ATRNL1: variants seen among roughly 807,000 people sequenced by gnomAD.
The protein encoded by ATRNL1 is attractin-like protein 1.
ATRNL1 carries 95 observed loss-of-function variants against 182.7 expected under a neutral mutation model. The observed-to-expected ratio is 0.52, with a 90% confidence interval of 0.44 to 0.62. The LOEUF (loss-of-function observed/expected upper bound fraction) is 0.62. Ranked by LOEUF, ATRNL1 falls within the 20% of genes least tolerant of loss-of-function variation. The pLI is 0.00. For missense variants in ATRNL1, 1,471 were observed against 1,679.5 expected (o/e 0.88, Z 2.17); for synonymous variants, 576 against 568.3 (o/e 1.01, Z -0.19).
intron 26 of ATRNL1, among the ~76,000 whole-genome samples, chr10:115,680,340 T>A (rs1555044323): frequency 2.6e-5 from 4 of 152,168 alleles, no homozygotes. Context: ...AGATCCTCAC[T>A]GGTCACCAAA....
intron 26 of ATRNL1, among the ~76,000 whole-genome samples, chr10:115,595,585 A>G (rs1555013720): frequency 6.6e-6 from 1 of 152,112 alleles, no homozygotes; most frequent in East Asian, 1.9e-4. Flanking sequence ...TTGCTCTTTT[A>G]TTACACTCCC....
intron 19 of ATRNL1, among the ~76,000 whole-genome samples, chr10:115,380,325 C>T (rs1358200724): frequency 1.3e-5 from 2 of 152,048 alleles, no homozygotes; most frequent in African/African-American, 4.8e-5. Flanking sequence ...CATAATACGG[C>T]AAGTACTGAT....
intron 27 of ATRNL1, among the ~76,000 whole-genome samples, chr10:115,770,112 T>C (rs560121082): frequency 8.5e-5 from 13 of 152,118 alleles, no homozygotes; most frequent in African/African-American, 3.1e-4. Flanking sequence ...AACCTGGGTC[T>C]AGGTTATACT....
At chr10:115,207,958 A>T (rs529044624) in intron 8 of ATRNL1, among the ~76,000 whole-genome samples, 11 of 152,080 alleles carry the variant, frequency 7.2e-5, no homozygotes, top group Non-Finnish European at 1.6e-4. Context: ...TCACTATCAC[A>T]TATCTCAAAC....
intron 26 of ATRNL1, among the ~76,000 whole-genome samples, chr10:115,570,916 A>G (rs1451556851): frequency 3.9e-5 from 6 of 152,096 alleles, no homozygotes; most frequent in Non-Finnish European, 8.8e-5. Flanking sequence ...CCTTCAGTTG[A>G]TTTCAGACAT....
At chr10:115,770,170 T>A (rs1353770698) in intron 27 of ATRNL1, among the ~76,000 whole-genome samples, 1 of 152,006 alleles carries the variant, frequency 6.6e-6, no homozygotes, top group Non-Finnish European at 1.5e-5. Context: ...CAAGAGAAAG[T>A]TTATAAGGAA....
chr10:115,790,750 T>C lies in ATRNL1; in HGVS notation c.3904-57127T>C, dbSNP rs187636050. On this transcript the variant is annotated intron_variant, in intron 27 of 28. Transcript: ENST00000355044. ...ATTTCATCTGCTTTTCTAGCTTTAT[T>C]CTCTTTTTTCTATCTTCTACTACTT... Among the ~76,000 whole-genome samples the C allele has an allele frequency of 2.0e-3, 297 of 152,278 alleles. 3 individuals are homozygous for C. Among genetic ancestry groups the C allele is most frequent in the Admixed American group, 0.017 (262 of 15,298 alleles).
At chr10:115,676,718 AG>A (rs1945874290) in intron 26 of ATRNL1, among the ~76,000 whole-genome samples, 1 of 151,998 alleles carries the variant, frequency 6.6e-6, no homozygotes, top group Admixed American at 6.6e-5. Context: ...AACATAAGTC[AG>A]GGGAAAGGAG....
intron 28 of ATRNL1, among the ~76,000 whole-genome samples, chr10:115,937,139 G>C (rs1953584498): frequency 6.6e-6 from 1 of 152,188 alleles, no homozygotes; most frequent in Non-Finnish European, 1.5e-5. Context: ...ATGAAAGTCA[G>C]GGAGTGCTCA....
At chr10:115,758,403 A>G (rs1167761826) in intron 27 of ATRNL1, among the ~76,000 whole-genome samples, 1 of 151,916 alleles carries the variant, frequency 6.6e-6, no homozygotes, top group African/African-American at 2.4e-5. Flanking sequence ...GGTCTGCTGG[A>G]GTTTGCTGGA....
chr10:115,650,964 A>T (rs1555034167), intron 26 of ATRNL1, among the ~76,000 whole-genome samples: 1 of 152,082 alleles, frequency 6.6e-6, no homozygotes, highest in African/African-American at 2.4e-5. Context: ...ATATATTTTA[A>T]TTTGCCCATT....
intron 15 of ATRNL1, among the ~76,000 whole-genome samples, chr10:115,294,362 A>G (rs1554921927): frequency 1.3e-5 from 2 of 152,144 alleles, no homozygotes; most frequent in African/African-American, 4.8e-5. Context: ...CTGCTTAGTC[A>G]AGTCTGTGGT....
At chr10:115,929,524 G>C (rs529530544) in intron 28 of ATRNL1, among the ~76,000 whole-genome samples, 1 of 152,182 alleles carries the variant, frequency 6.6e-6, no homozygotes, top group East Asian at 1.9e-4. Flanking sequence ...AGACATGCCA[G>C]GTATGAAGGA....
At chr10:115,392,225 T>G (rs1449476616) in intron 19 of ATRNL1, among the ~76,000 whole-genome samples, 3 of 152,188 alleles carry the variant, frequency 2.0e-5, no homozygotes. Context: ...AGCAGTACTT[T>G]TTTTCAGATT....
chr10:115,790,052 T>A (rs1555081338), intron 27 of ATRNL1, among the ~76,000 whole-genome samples: 1 of 152,186 alleles, frequency 6.6e-6, no homozygotes, highest in Non-Finnish European at 1.5e-5. Context: ...TAAAGATATT[T>A]GTATTCCATT....
intron 20 of ATRNL1, among the ~76,000 whole-genome samples, chr10:115,395,857 T>G (rs1401482231): frequency 6.6e-6 from 1 of 151,770 alleles, no homozygotes; most frequent in Non-Finnish European, 1.5e-5. Context: ...AAATCAAATT[T>G]TTATGGTTTT....
At chr10:115,484,039 G>T (rs1848899593) in intron 24 of ATRNL1, among the ~76,000 whole-genome samples, 1 of 151,528 alleles carries the variant, frequency 6.6e-6, no homozygotes, top group Admixed American at 6.6e-5. Context: ...TCTCTCAAAA[G>T]CAGAGTGCCT....
chr10:115,454,508 A>C (rs1422306432), intron 21 of ATRNL1, among the ~76,000 whole-genome samples: 1 of 151,986 alleles, frequency 6.6e-6, no homozygotes, highest in Non-Finnish European at 1.5e-5. Flanking sequence ...GGACATTTTA[A>C]CCATATTAAT....
At chr10:115,822,765 G>A (rs1950334549) in intron 27 of ATRNL1, among the ~76,000 whole-genome samples, 1 of 152,064 alleles carries the variant, frequency 6.6e-6, no homozygotes, top group Non-Finnish European at 1.5e-5. Flanking sequence ...CCAATAACAA[G>A]TTCTGAAATC....
Sources: gnomAD v4.1 joint callset for allele counts (sites outside exome capture counted in the v4.1 genomes callset) on GRCh38, gnomAD v4.1.1 for gene constraint, MANE v1.5 for transcripts, NCBI Gene and HGNC (gene_info 2026-07-23, HGNC 2026-07-21) for gene names.